SLC33A1: variants seen among roughly 807,000 people sequenced by gnomAD.
SLC33A1 encodes the protein solute carrier family 33 member 1.
Under a neutral mutation model 50.0 loss-of-function variants are expected in SLC33A1, and 20 were observed. That is an observed-to-expected ratio of 0.40 (90% confidence interval 0.28 to 0.58). The LOEUF is 0.58. Ranked by LOEUF, SLC33A1 falls within the 20% of genes least tolerant of loss-of-function variation. The pLI, the probability that SLC33A1 is intolerant of heterozygous loss-of-function variation, is 0.44. For synonymous variants in SLC33A1, 265 were observed against 251.8 expected, an observed-to-expected ratio of 1.05 and a Z score of -0.50; for missense variants, 476 against 657.0, an observed-to-expected ratio of 0.72 and a Z score of 3.01.
chr3:155,837,184 G>A (rs7617813), intron 2 of SLC33A1, among the ~76,000 whole-genome samples: 2,962 of 151,636 alleles, frequency 0.02, 88 homozygotes, highest in African/African-American at 0.068. Context: ...GTGAAACCCC[G>A]TCTCTACTAA....
At chr3:155,833,195 G>A (rs1196773162) in intron 4 of SLC33A1, among the ~76,000 whole-genome samples, 1 of 152,062 alleles carries the variant, frequency 6.6e-6, no homozygotes, top group Non-Finnish European at 1.5e-5. Flanking sequence ...GTTGCAGTGA[G>A]CCGAGACTGC....
intron 5 of SLC33A1, 58 bp downstream of exon 5, chr3:155,829,630 C>T (rs757046463): frequency 1.2e-5 from 15 of 1,243,658 alleles, no homozygotes; most frequent in Non-Finnish European, 1.5e-5. Flanking sequence ...AGAGACAAAA[C>T]AAAGATATTA....
Position 155,828,008 on chromosome 3 carries a change from A to G in SLC33A1, c.*202T>C. ...TTTTAGAATTTCCTGACCTTAAGTA[A>G]ACTTTAAATACATTGACAAGGCAAA... On this transcript the variant is annotated 3_prime_UTR_variant, in exon 6 of 6. Coordinates refer to ENST00000643144, the MANE Select transcript of SLC33A1 (RefSeq NM_004733.4). 1 of 514,508 alleles carries G rather than the reference A, an allele frequency of 1.9e-6. No individual in the cohort carries two copies. Among genetic ancestry groups the G allele is most frequent in the South Asian group, 2.6e-5 (1 of 39,036 alleles). 31.9% of individuals were successfully genotyped at this position (514,508 alleles called of 1,614,324 possible). A position where few individuals can be genotyped will look rare whatever the true frequency, so the allele number is the denominator to read the frequency against.
intron 5 of SLC33A1, 133 bp from the exon 6 acceptor site, chr3:155,828,510 T>C (rs1365702738): frequency 6.1e-6 from 4 of 658,738 alleles, no homozygotes; most frequent in Non-Finnish European, 8.2e-6. Flanking sequence ...TGAATTCCAA[T>C]GACAAAATAT....
intron 1 of SLC33A1, among the ~76,000 whole-genome samples, chr3:155,848,123 T>C (rs1383396407): frequency 1.3e-5 from 2 of 152,230 alleles, no homozygotes; most frequent in East Asian, 1.9e-4. Context: ...AGAGAGATGA[T>C]AGATGAGACA....
intron 4 of SLC33A1, among the ~76,000 whole-genome samples, chr3:155,831,132 G>A (rs1335530747): frequency 6.6e-6 from 1 of 152,030 alleles, no homozygotes; most frequent in African/African-American, 2.4e-5. Flanking sequence ...ACTCAGAATG[G>A]TTTCTGGCAG....
intron 1 of SLC33A1, among the ~76,000 whole-genome samples, chr3:155,843,443 C>A (rs942296751): frequency 6.6e-6 from 1 of 152,086 alleles, no homozygotes; most frequent in Admixed American, 6.6e-5. Flanking sequence ...TGCTCACACT[C>A]GTAGGTGCAG....
intron 1 of SLC33A1, among the ~76,000 whole-genome samples, chr3:155,843,169 T>C (rs1752997493): frequency 6.6e-6 from 1 of 152,092 alleles, no homozygotes; most frequent in African/African-American, 2.4e-5. Flanking sequence ...ACATTACATT[T>C]AGTGTACAAC....
chr3:155,841,630 G>C (rs1211554268), intron 2 of SLC33A1, among the ~76,000 whole-genome samples: 1 of 152,050 alleles, frequency 6.6e-6, no homozygotes, highest in Non-Finnish European at 1.5e-5. Flanking sequence ...TAGAATAAAA[G>C]TCACCAGTAA....
At chr3:155,832,511 A>G (rs1426337589) in intron 4 of SLC33A1, among the ~76,000 whole-genome samples, 1 of 151,978 alleles carries the variant, frequency 6.6e-6, no homozygotes, top group Non-Finnish European at 1.5e-5. Context: ...ATCATAAAGA[A>G]TAAGTCAAAA....
At chr3:155,837,695 T>C (rs983110082) in intron 2 of SLC33A1, among the ~76,000 whole-genome samples, 5 of 152,076 alleles carry the variant, frequency 3.3e-5, no homozygotes, top group African/African-American at 1.2e-4. Context: ...AAACAAACTA[T>C]TGCTATAAAT....
At chr3:155,835,134 A>G (rs763708815) in intron 2 of SLC33A1, among the ~76,000 whole-genome samples, 41 of 152,250 alleles carry the variant, frequency 2.7e-4, no homozygotes, top group Non-Finnish European at 5.0e-4. Flanking sequence ...ATACATACTT[A>G]AGGTACTTAT....
intron 2 of SLC33A1, among the ~76,000 whole-genome samples, chr3:155,839,834 G>A (rs936864096): frequency 1.5e-4 from 23 of 151,902 alleles, no homozygotes; most frequent in African/African-American, 5.6e-4. Context: ...TGTAATCCCA[G>A]CTACTCGGGA....
chr3:155,834,759 T>G (rs1446336152), intron 2 of SLC33A1, among the ~76,000 whole-genome samples: 2 of 152,184 alleles, frequency 1.3e-5, no homozygotes, highest in Non-Finnish European at 2.9e-5. Flanking sequence ...TGATATGGCT[T>G]TCAGTATAAT....
chr3:155,848,590 G>A (rs1481739603), intron 1 of SLC33A1, among the ~76,000 whole-genome samples: 1 of 152,168 alleles, frequency 6.6e-6, no homozygotes, highest in East Asian at 1.9e-4. Flanking sequence ...GCTGAGGCAG[G>A]AGAATGGTGT....
At chr3:155,852,235 A>G (rs1430784764) in intron 1 of SLC33A1, among the ~76,000 whole-genome samples, 3 of 152,152 alleles carry the variant, frequency 2.0e-5, no homozygotes, top group Non-Finnish European at 4.4e-5. Flanking sequence ...GAGGGGGAGA[A>G]TCACCTGAGG....
intron 2 of SLC33A1, among the ~76,000 whole-genome samples, chr3:155,839,279 G>A (rs1336589018): frequency 1.1e-5 from 1 of 87,736 alleles, no homozygotes; most frequent in Non-Finnish European, 2.4e-5. Context: ...TCCAGCCTGG[G>A]AAACAAGTGA....
chr3:155,838,317 TA>T (rs372537295), intron 2 of SLC33A1, among the ~76,000 whole-genome samples: 88 of 138,114 alleles, frequency 6.4e-4, no homozygotes, highest in Middle Eastern at 3.8e-3. Context: ...AAAAAAAACT[TA>T]AAAAAAAAAA....
chr3:155,829,573 C>A lies in SLC33A1; in HGVS notation c.1482+115G>T, dbSNP rs150643607. On this transcript the variant is annotated intron_variant, in intron 5 of 5. Coordinates refer to ENST00000643144, the MANE Select transcript of SLC33A1 (RefSeq NM_004733.4). ...AAAATATATATGTAGATTTCTAAAC[C>A]AGAACCTATGGACAGATATGATTTT... 185 of 769,680 alleles carry A rather than the reference C, an allele frequency of 2.4e-4. No homozygotes were observed. The African/African-American group carries it at 2.7e-3, about 11-fold the overall frequency. The allele number at this position is 769,680 out of a possible 1,614,324, so 47.7% of individuals were successfully genotyped here. A position where few individuals can be genotyped will look rare whatever the true frequency, so the allele number is the denominator to read the frequency against.
Sources: gnomAD v4.1 joint callset for allele counts (sites outside exome capture counted in the v4.1 genomes callset) on GRCh38, gnomAD v4.1.1 for gene constraint, MANE v1.5 for transcripts, NCBI Gene and HGNC (gene_info 2026-07-23, HGNC 2026-07-21) for gene names.